The following HDAC9 variants were observed in gnomAD, a reference collection of about 807,000 sequenced individuals.
The protein encoded by HDAC9 is histone deacetylase 9.
HDAC9 carries 41 observed loss-of-function variants against 139.4 expected under a neutral mutation model. That is an observed-to-expected ratio of 0.29 (90% CI 0.23 to 0.38). The LOEUF is 0.38. Among genes scored for constraint, HDAC9 ranks in the 10% least tolerant of loss-of-function variants. HDAC9 has a pLI of 1.00. For synonymous variants in HDAC9, 517 were observed against 476.2 expected, an observed-to-expected ratio of 1.09 and a Z score of -1.12; for missense variants, 1,147 against 1,297.0, an observed-to-expected ratio of 0.88 and a Z score of 1.78.
chr7:18,523,802 A>T (rs530611039), intron 2 of HDAC9, among the ~76,000 whole-genome samples: 1 of 152,094 alleles, frequency 6.6e-6, no homozygotes, highest in South Asian at 2.1e-4. Flanking sequence ...TATGAAGGTA[A>T]GATTTTCAGC....
At position 18,215,848 on chromosome 7, in the gene HDAC9, G is replaced by A. The variant is rs1166980630; in HGVS notation, c.25+53499G>A. Among the ~76,000 whole-genome samples the A allele has an allele frequency of 2.6e-5, 4 of 152,076 alleles. 1 individual carries two copies. The highest frequency in any genetic ancestry group is 9.7e-5 in the African/African-American group (4 of 41,416). On this transcript the variant is annotated intron_variant, in intron 2 of 12. Coordinates refer to the HDAC9 transcript ENST00000417496. ...CTTGGGCACCATTGGCATATTCCAA[G>A]CTGTTTTTGTCAATCATATAAATAC...
intron 12 of HDAC9, among the ~76,000 whole-genome samples, chr7:18,718,173 A>C (rs908107047): frequency 4.6e-5 from 7 of 152,140 alleles, no homozygotes. Flanking sequence ...TTTTGCCTCC[A>C]TAAATTTGTG....
chr7:18,805,775 C>G (rs1311551494), intron 17 of HDAC9, among the ~76,000 whole-genome samples: 1 of 152,146 alleles, frequency 6.6e-6, no homozygotes, highest in Non-Finnish European at 1.5e-5. Flanking sequence ...GACTGAAGGC[C>G]TTTGAAGAAC....
At position 18,554,812 on chromosome 7, in the gene HDAC9, A is replaced by G. The variant is rs960594151; in HGVS notation, c.23-30469A>G. Among the ~76,000 whole-genome samples, 7 of 152,308 alleles carry G rather than the reference A, an allele frequency of 4.6e-5. No individual in the cohort carries two copies. The Middle Eastern group carries it at 0.014, about 296-fold the overall frequency. On this transcript the variant is annotated intron_variant, in intron 2 of 25. Coordinates refer to ENST00000686413, the MANE Select transcript of HDAC9 (RefSeq NM_178425.4). The stretch of plus-strand genomic sequence containing the variant: ...TCTTCTTAGACTGGGTGGGATGACT[A>G]TGAACCTGGTTCTTACAAATCATTG...
chr7:18,322,977 T>G (rs951023382), intron 1 of HDAC9, among the ~76,000 whole-genome samples: 1 of 152,102 alleles, frequency 6.6e-6, no homozygotes, highest in Non-Finnish European at 1.5e-5. Flanking sequence ...GGAGAAAGTA[T>G]GACAGGGAAA....
chr7:18,833,120 A>C (rs1021099681), intron 19 of HDAC9, among the ~76,000 whole-genome samples: 29 of 152,352 alleles, frequency 1.9e-4, no homozygotes, highest in African/African-American at 7.0e-4. Flanking sequence ...TTATCACTAA[A>C]TATTTGGTGA....
intron 1 of HDAC9, among the ~76,000 whole-genome samples, chr7:18,456,288 G>A (rs1793339475): frequency 6.6e-6 from 1 of 152,146 alleles, no homozygotes; most frequent in African/African-American, 2.4e-5. Context: ...CCAGGCTGGA[G>A]TGCAGCAGTG....
intron 14 of HDAC9, among the ~76,000 whole-genome samples, chr7:18,753,862 C>G (rs932976774): frequency 5.9e-5 from 9 of 152,040 alleles, no homozygotes; most frequent in African/African-American, 2.2e-4. Flanking sequence ...GCTAGGATCT[C>G]TTACAGCTGT....
chr7:18,577,262 C>T (rs558966801), intron 2 of HDAC9, among the ~76,000 whole-genome samples: 1 of 152,218 alleles, frequency 6.6e-6, no homozygotes, highest in Non-Finnish European at 1.5e-5. Flanking sequence ...GCCTACCTTT[C>T]TGACCTTTCA....
intron 2 of HDAC9, among the ~76,000 whole-genome samples, chr7:18,269,538 T>C (rs992242366): frequency 6.6e-6 from 1 of 151,982 alleles, no homozygotes; most frequent in Non-Finnish European, 1.5e-5. Flanking sequence ...TACTGATCAG[T>C]ATATGAAGTC....
intron 12 of HDAC9, 81 bp downstream of exon 12, chr7:18,666,557 G>T: frequency 6.5e-7 from 1 of 1,536,080 alleles, no homozygotes; most frequent in South Asian, 1.2e-5. Context: ...TTTGGTAAAT[G>T]GATATGATTT....
At chr7:18,793,660 A>G (rs2129179538) in intron 17 of HDAC9, among the ~76,000 whole-genome samples, 1 of 152,268 alleles carries the variant, frequency 6.6e-6, no homozygotes, top group East Asian at 1.9e-4. Context: ...CTGCCTGAGA[A>G]CACTCTGCAG....
chr7:18,880,384 A>G (rs1026787004), intron 22 of HDAC9, among the ~76,000 whole-genome samples: 2 of 152,196 alleles, frequency 1.3e-5, no homozygotes, highest in Non-Finnish European at 2.9e-5. Flanking sequence ...ACTATTCACA[A>G]TAGCAGTGAC....
rs185040238 is a variant in HDAC9 at position 18,797,361 on chromosome 7, A to T, written c.2322+3909A>T. Among the ~76,000 whole-genome samples, 413 of 152,304 alleles carry T rather than the reference A, an allele frequency of 2.7e-3. 4 individuals carry two copies. The highest frequency in any genetic ancestry group is 9.5e-3 in the African/African-American group (394 of 41,574). ...TTTATTATTATAAAACATTTGAGAC[A>T]TACAAAAAGACAAGAAGTTACATTC... On this transcript the variant is annotated intron_variant, in intron 17 of 25. Coordinates refer to ENST00000686413, the MANE Select transcript of HDAC9 (RefSeq NM_178425.4).
intron 23 of HDAC9, among the ~76,000 whole-genome samples, chr7:18,939,575 AT>A: frequency 6.6e-6 from 1 of 152,328 alleles, no homozygotes; most frequent in African/African-American, 2.4e-5. Context: ...GTCAAAGATC[AT>A]TATGACTACA....
intron 2 of HDAC9, among the ~76,000 whole-genome samples, chr7:18,536,307 C>G (rs975366846): frequency 1.3e-5 from 2 of 152,124 alleles, no homozygotes; most frequent in Admixed American, 6.6e-5. Context: ...CCTTTACTGT[C>G]TCATTTCTCT....
chr7:18,167,722 T>A (rs1166969500), intron 2 of HDAC9, among the ~76,000 whole-genome samples: 1 of 152,156 alleles, frequency 6.6e-6, no homozygotes, highest in Admixed American at 6.5e-5. Flanking sequence ...ATCACTTTTG[T>A]TCACATTTCG....
intron 22 of HDAC9, among the ~76,000 whole-genome samples, chr7:18,895,601 G>T (rs1801118717): frequency 6.6e-6 from 1 of 152,046 alleles, no homozygotes; most frequent in Non-Finnish European, 1.5e-5. Flanking sequence ...TTAGGTGAGT[G>T]TACTCCTCCT....
chr7:18,741,179 G>A (rs552110201), intron 13 of HDAC9, among the ~76,000 whole-genome samples: 21 of 152,304 alleles, frequency 1.4e-4, no homozygotes, highest in East Asian at 1.9e-4. Flanking sequence ...AACAAATTTC[G>A]TTGTAGATGA....
Sources: gnomAD v4.1 joint callset for allele counts (sites outside exome capture counted in the v4.1 genomes callset) on GRCh38, gnomAD v4.1.1 for gene constraint, MANE v1.5 for transcripts, NCBI Gene and HGNC (gene_info 2026-07-23, HGNC 2026-07-21) for gene names.